The following NRXN3 variants were observed in gnomAD, a reference collection of about 807,000 sequenced individuals.
The protein encoded by NRXN3 is neurexin III.
A neutral mutation model predicts 137.6 loss-of-function variants in NRXN3; 32 were observed. The observed-to-expected ratio is 0.23, with a 90% CI of 0.18 to 0.31. The LOEUF (loss-of-function observed/expected upper bound fraction) is 0.31. Ranked by LOEUF, NRXN3 falls within the 10% of genes least tolerant of loss-of-function variation. The pLI, the probability that NRXN3 is intolerant of heterozygous loss-of-function variation, is 1.00. For missense variants in NRXN3, 1,574 were observed against 2,062.5 expected, an observed-to-expected ratio of 0.76 and a Z score of 4.59; for synonymous variants, 798 against 784.5, an observed-to-expected ratio of 1.02 and a Z score of -0.29.
intron 4 of NRXN3, among the ~76,000 whole-genome samples, chr14:78,473,571 G>A (rs147769587): frequency 5.9e-5 from 9 of 152,338 alleles, no homozygotes; most frequent in Non-Finnish European, 1.3e-4. Context: ...TAAACTAGGT[G>A]TATAAGCTAC....
chr14:78,481,476 G>A (rs763542226), intron 4 of NRXN3, among the ~76,000 whole-genome samples: 11 of 152,154 alleles, frequency 7.2e-5, no homozygotes, highest in Non-Finnish European at 1.6e-4. Flanking sequence ...TCTTATTAAG[G>A]CTCATGGTGA....
intron 6 of NRXN3, among the ~76,000 whole-genome samples, chr14:78,706,686 T>A (rs1174304966): frequency 2.6e-5 from 4 of 152,200 alleles, no homozygotes; most frequent in Non-Finnish European, 5.9e-5. Flanking sequence ...AGGTGTTAAA[T>A]CCTTACCATG....
At chr14:78,451,929 T>C (rs1403972664) in intron 4 of NRXN3, among the ~76,000 whole-genome samples, 1 of 152,172 alleles carries the variant, frequency 6.6e-6, no homozygotes, top group Non-Finnish European at 1.5e-5. Flanking sequence ...TTTTCACATT[T>C]CCCCATGAAA....
At chr14:79,663,672 C>T in intron 16 of NRXN3, 106 bp from the exon 17 acceptor site, 2 of 831,454 alleles carry the variant, frequency 2.4e-6, no homozygotes, top group Non-Finnish European at 3.8e-6. Flanking sequence ...ATGCTGACAG[C>T]TCCCTCTGGG....
At chr14:78,891,365 T>C (rs2099158354) in intron 10 of NRXN3, among the ~76,000 whole-genome samples, 1 of 151,980 alleles carries the variant, frequency 6.6e-6, no homozygotes, top group Admixed American at 6.6e-5. Flanking sequence ...AGCCAGAATC[T>C]GAACTCTGGC....
intron 1 of NRXN3, among the ~76,000 whole-genome samples, chr14:78,214,714 G>A (rs2063084200): frequency 6.6e-6 from 1 of 152,198 alleles, no homozygotes; most frequent in African/African-American, 2.4e-5. Context: ...CAAAGTCCTT[G>A]TTTGCCCAGC....
intron 16 of NRXN3, among the ~76,000 whole-genome samples, chr14:79,616,987 A>G (rs1211624680): frequency 2.6e-5 from 4 of 151,974 alleles, no homozygotes; most frequent in Non-Finnish European, 4.4e-5. Flanking sequence ...ATCCTTAACC[A>G]CCAAGTCCTG....
intron 4 of NRXN3, among the ~76,000 whole-genome samples, chr14:78,559,508 C>T (rs1490602913): frequency 6.6e-6 from 1 of 152,110 alleles, no homozygotes; most frequent in Non-Finnish European, 1.5e-5. Context: ...GGGATATATT[C>T]CCAAAAGTGG....
At chr14:78,777,303 G>T (rs2098747700) in intron 8 of NRXN3, among the ~76,000 whole-genome samples, 1 of 152,118 alleles carries the variant, frequency 6.6e-6, no homozygotes, top group African/African-American at 2.4e-5. Context: ...AAAAGTGAAG[G>T]TTTGACTTAC....
chr14:79,505,301 C>G (rs1292400512), intron 16 of NRXN3, among the ~76,000 whole-genome samples: 1 of 151,842 alleles, frequency 6.6e-6, no homozygotes, highest in Non-Finnish European at 1.5e-5. Context: ...GTTTATCTCA[C>G]TCATATACAC....
chr14:78,401,999 G>A (rs923824547), intron 4 of NRXN3, among the ~76,000 whole-genome samples: 3 of 152,192 alleles, frequency 2.0e-5, no homozygotes, highest in African/African-American at 7.2e-5. Context: ...CTTTAAAATG[G>A]TGTTTCTGTC....
intron 1 of NRXN3, among the ~76,000 whole-genome samples, chr14:78,238,144 C>CT (rs990648445): frequency 4.0e-5 from 6 of 150,978 alleles, no homozygotes; most frequent in Non-Finnish European, 8.8e-5. Context: ...TGTGAGCCCC[C>CT]CCCACCACAC....
chr14:78,303,581 T>A (rs753495746), intron 4 of NRXN3, among the ~76,000 whole-genome samples: 4 of 152,106 alleles, frequency 2.6e-5, no homozygotes, highest in Non-Finnish European at 5.9e-5. Flanking sequence ...CAAGGTGCCT[T>A]CCCTGCTTTA....
intron 4 of NRXN3, among the ~76,000 whole-genome samples, chr14:78,574,652 A>G (rs2096919779): frequency 6.6e-6 from 1 of 152,210 alleles, no homozygotes. Context: ...AATGCCTGTA[A>G]CCCCATTGTA....
intron 15 of NRXN3, among the ~76,000 whole-genome samples, chr14:79,317,249 G>T (rs1231695591): frequency 6.6e-6 from 1 of 151,974 alleles, no homozygotes. Context: ...GAAAAAAAAA[G>T]TGTTGGCGGG....
intron 19 of NRXN3, among the ~76,000 whole-genome samples, chr14:79,709,104 C>T (rs2098793085): frequency 6.6e-6 from 1 of 152,086 alleles, no homozygotes; most frequent in Admixed American, 6.6e-5. Flanking sequence ...TTATTAAGCA[C>T]AGATTTTAAT....
At chr14:79,820,940 C>T (rs2099270199) in intron 20 of NRXN3, among the ~76,000 whole-genome samples, 1 of 152,106 alleles carries the variant, frequency 6.6e-6, no homozygotes, top group African/African-American at 2.4e-5. Context: ...GAGCTTTCTA[C>T]ATTAGCAGGG....
intron 15 of NRXN3, among the ~76,000 whole-genome samples, chr14:79,221,675 G>A (rs546469092): frequency 1.3e-5 from 2 of 152,158 alleles, no homozygotes; most frequent in Admixed American, 6.5e-5. Flanking sequence ...TGGATAGATT[G>A]CAAAAATTTT....
chr14:79,560,090 C>T (rs778541366), intron 16 of NRXN3, among the ~76,000 whole-genome samples: 9 of 151,686 alleles, frequency 5.9e-5, no homozygotes, highest in Non-Finnish European at 1.0e-4. Flanking sequence ...TAAATATCAC[C>T]GAAATGGATA....
Sources: allele counts gnomAD v4.1 joint callset (sites outside exome capture counted in the v4.1 genomes callset), GRCh38; gene constraint gnomAD v4.1.1; transcripts MANE v1.5; gene names NCBI Gene and HGNC (gene_info 2026-07-23, HGNC 2026-07-21).